Variants in EPM2A observed in about 807,000 individuals in gnomAD.
EPM2A encodes the protein EPM2A glucan phosphatase, laforin, also known as laforin.
In EPM2A, 21 loss-of-function variants were observed where a neutral mutation model predicts 26.5. The ratio of observed to expected loss-of-function variants is 0.79; its 90% confidence interval spans 0.56 to 1.14. The LOEUF (loss-of-function observed/expected upper bound fraction) is 1.14, where lower values mean the gene tolerates loss of function less well. EPM2A is among the 50% of genes most tolerant of loss of function. EPM2A has a pLI of 0.00. For synonymous variants in EPM2A, 217 were observed against 177.6 expected (o/e 1.22, Z -1.76); for missense variants, 458 against 440.8 (o/e 1.04, Z -0.35).
intron 1 of EPM2A, among the ~76,000 whole-genome samples, chr6:145,713,496 C>T (rs1030005494): frequency 6.6e-6 from 1 of 152,134 alleles, no homozygotes; most frequent in African/African-American, 2.4e-5. Flanking sequence ...TGAAAAGATA[C>T]TCAACATCAT....
rs1509207 is a variant in EPM2A, at chr6:145,501,661, G to A, written c.*146C>T. On this transcript the variant is annotated 3_prime_UTR_variant, in exon 4 of 4. Coordinates refer to the EPM2A transcript ENST00000450221. Reference sequence around the variant, plus strand: ...TACATATTGGGCAGAAGTGGGGGAAGAAGGAGTTACGAAGATTGTCCCACT... The same window carrying A: ...TACATATTGGGCAGAAGTGGGGGAAAAAGGAGTTACGAAGATTGTCCCACT... 1,382 of 398,664 alleles carry A rather than the reference G, an allele frequency of 3.5e-3. 7 individuals are homozygous for A. Among genetic ancestry groups the A allele is most frequent in the Admixed American group, 5.0e-3 (173 of 34,604 alleles). 24.7% of individuals were successfully genotyped at this position (398,664 alleles called of 1,614,324 possible).
intron 2 of EPM2A, among the ~76,000 whole-genome samples, chr6:145,620,251 T>A (rs995950863): frequency 6.6e-6 from 1 of 152,180 alleles, no homozygotes; most frequent in African/African-American, 2.4e-5. Context: ...TAGATTCTCA[T>A]AAGGAGCGTG....
rs982896604 is a variant in EPM2A, at chr6:145,735,181, G to T, written c.301+17C>A. ...AGCTCCCGCTCTGCGCCGGGGGCAG[G>T]CGTCTGCTGGCAATACCTTCCCAGG... On this transcript the variant is annotated intron_variant, in intron 1 of 3. Transcript: ENST00000367519. 2 of 1,481,780 alleles carry T rather than the reference G, an allele frequency of 1.3e-6. No homozygotes were observed. Among genetic ancestry groups the T allele is most frequent in the Non-Finnish European group, 1.8e-6 (2 of 1,108,876 alleles). 91.8% of individuals were successfully genotyped at this position (1,481,780 alleles called of 1,614,324 possible). A position where few individuals can be genotyped will look rare whatever the true frequency, so the allele number is the denominator to read the frequency against.
chr6:145,685,153 G>C lies in EPM2A; in HGVS notation c.476+969C>G, dbSNP rs191455809. Reference sequence around the variant, plus strand: ...TGCTTTCAAATTTTAAATAATCGAAGTGTGAAAGACATTTATATTTACTAA... The same window carrying C: ...TGCTTTCAAATTTTAAATAATCGAACTGTGAAAGACATTTATATTTACTAA... On this transcript the variant is annotated intron_variant, in intron 2 of 3. Transcript: ENST00000367519. 2.9e-3 allele frequency among the ~76,000 whole-genome samples: 434 copies of C among 152,174 alleles called. 1 individual carries two copies. The highest frequency in any genetic ancestry group is 4.7e-3 in the Non-Finnish European group (318 of 68,006).
rs572939935 is a variant in EPM2A, at chr6:145,732,920, T to C, written c.301+2278A>G. On this transcript the variant is annotated intron_variant, in intron 1 of 3. Coordinates refer to ENST00000367519, the MANE Select transcript of EPM2A (RefSeq NM_005670.4). ...TTTATTAGGCAGCTTGGTCCTTTCA[T>C]TGTGAGCTGAGGTGACACGCCTCAA... Among the ~76,000 whole-genome samples the C allele has an allele frequency of 1.1e-4, 17 of 152,326 alleles. No individual in the cohort carries two copies. In the East Asian group the frequency reaches 3.3e-3, roughly 29 times the overall value.
At chr6:145,587,929 C>T (rs904873430) in intron 2 of EPM2A, among the ~76,000 whole-genome samples, 4 of 152,076 alleles carry the variant, frequency 2.6e-5, no homozygotes, top group Non-Finnish European at 5.9e-5. Context: ...TTGGTGAAAC[C>T]TTATAAACAA....
At chr6:145,714,743 G>T (rs12110826) in intron 1 of EPM2A, among the ~76,000 whole-genome samples, 1 of 152,126 alleles carries the variant, frequency 6.6e-6, no homozygotes, top group Admixed American at 6.5e-5. Context: ...ATCTTGTGCA[G>T]GGAAACTCCA....
In EPM2A at chr6:145,626,262, C is replaced by G. The variant is rs1250715081; in HGVS notation, c.*1154G>C. On this transcript the variant is annotated 3_prime_UTR_variant, in exon 4 of 4. Transcript: ENST00000367519. ...TTCATCTCTGTATTTCCTGTAGAACCTAGGGTGATGAGCTGCATAGTCTGG... is the reference window on the plus strand; with the variant it reads ...TTCATCTCTGTATTTCCTGTAGAACGTAGGGTGATGAGCTGCATAGTCTGG... 1 of 989,626 alleles carries G rather than the reference C, an allele frequency of 1.0e-6. No homozygotes were observed. Among genetic ancestry groups the G allele is most frequent in the African/African-American group, 1.7e-5 (1 of 57,218 alleles). The allele number at this position is 989,626 out of a possible 1,614,324, so 61.3% of individuals were successfully genotyped here.
chr6:145,495,964 C>T (rs533310234), intron 4 of EPM2A, among the ~76,000 whole-genome samples: 1 of 152,298 alleles, frequency 6.6e-6, no homozygotes, highest in South Asian at 2.1e-4. Context: ...ATATTTAGTG[C>T]TTCCTTTAGA....
intron 1 of EPM2A, among the ~76,000 whole-genome samples, chr6:145,702,794 T>C (rs1781996235): frequency 6.6e-6 from 1 of 152,202 alleles, no homozygotes; most frequent in Non-Finnish European, 1.5e-5. Context: ...AGGTACAAGA[T>C]TTTTCAGTAA....
chr6:145,466,950 A>C (rs1779406362), intron 4 of EPM2A, among the ~76,000 whole-genome samples: 1 of 152,142 alleles, frequency 6.6e-6, no homozygotes, highest in Non-Finnish European at 1.5e-5. Flanking sequence ...CAATGAGAAC[A>C]CATGGACACA....
intron 1 of EPM2A, chr6:145,705,930 T>C: frequency 4.4e-6 from 2 of 456,776 alleles, no homozygotes; most frequent in South Asian, 1.5e-5. Flanking sequence ...CTGGGTAACA[T>C]GGAAGAAAGA....
At chr6:145,700,053 C>A (rs773216655) in intron 1 of EPM2A, among the ~76,000 whole-genome samples, 9 of 152,080 alleles carry the variant, frequency 5.9e-5, no homozygotes, top group Non-Finnish European at 1.2e-4. Context: ...ATTAATAATT[C>A]ATTCAATGTG....
intron 4 of EPM2A, among the ~76,000 whole-genome samples, chr6:145,408,951 G>A (rs1778606462): frequency 1.3e-5 from 2 of 152,068 alleles, no homozygotes; most frequent in South Asian, 4.1e-4. Flanking sequence ...TTTCTTTGGG[G>A]TCTAGGTTTC....
At chr6:145,585,631 T>C (rs977048595) in intron 2 of EPM2A, among the ~76,000 whole-genome samples, 2 of 152,176 alleles carry the variant, frequency 1.3e-5, no homozygotes, top group African/African-American at 4.8e-5. Flanking sequence ...AAGTCTTATT[T>C]ATGGGTTATA....
At chr6:145,402,324 A>G (rs1040109997) in intron 4 of EPM2A, among the ~76,000 whole-genome samples, 1 of 152,134 alleles carries the variant, frequency 6.6e-6, no homozygotes, top group Non-Finnish European at 1.5e-5. Context: ...GCAGAACTCA[A>G]ATGAAGGGAA....
chr6:145,618,181 G>T (rs935186568), intron 2 of EPM2A, among the ~76,000 whole-genome samples: 1 of 152,078 alleles, frequency 6.6e-6, no homozygotes, highest in African/African-American at 2.4e-5. Flanking sequence ...CTCAGAGAGG[G>T]TGTCTTCAAA....
At chr6:145,535,157 C>T (rs892823049) in intron 2 of EPM2A, among the ~76,000 whole-genome samples, 1 of 152,170 alleles carries the variant, frequency 6.6e-6, no homozygotes. Context: ...ACAGCCGCAC[C>T]CTTGGATCAT....
intron 4 of EPM2A, among the ~76,000 whole-genome samples, chr6:145,419,927 A>G (rs1370062012): frequency 6.6e-6 from 1 of 152,158 alleles, no homozygotes; most frequent in Non-Finnish European, 1.5e-5. Flanking sequence ...TATTTTAAAG[A>G]AATATTGAAA....
Sources: allele counts gnomAD v4.1 joint callset (sites outside exome capture counted in the v4.1 genomes callset), GRCh38; gene constraint gnomAD v4.1.1; transcripts MANE v1.5; gene names NCBI Gene and HGNC (gene_info 2026-07-23, HGNC 2026-07-21).